The following SLC4A10 variants were observed in gnomAD, a reference collection of about 807,000 sequenced individuals.
SLC4A10 encodes the protein solute carrier family 4 member 10.
In SLC4A10, 42 loss-of-function variants were observed where a neutral mutation model predicts 137.7. The observed-to-expected ratio is 0.30, with a 90% CI of 0.24 to 0.39. The LOEUF (loss-of-function observed/expected upper bound fraction) is 0.39, where lower values mean the gene tolerates loss of function less well. SLC4A10 is among the 10% of genes least tolerant of loss of function. SLC4A10 has a pLI of 1.00. For synonymous variants in SLC4A10, 474 were observed against 464.1 expected, an observed-to-expected ratio of 1.02 and a Z score of -0.27; for missense variants, 925 against 1,355.0, an observed-to-expected ratio of 0.68 and a Z score of 4.98.
In SLC4A10 at chr2:161,879,291, A is replaced by G. The variant is rs1161398658; in HGVS notation, c.1106+3A>G. The G allele has an allele frequency of 1.2e-6, 2 of 1,605,666 alleles. No homozygotes were observed. Among genetic ancestry groups the G allele is most frequent in the South Asian group, 1.1e-5 (1 of 89,672 alleles). On this transcript the variant is annotated splice_donor_region_variant and intron_variant, in intron 9 of 26. Transcript: ENST00000446997. ...GCTGAAGTCCCAATCCCAACCAGGTAAAAAGTATAAAAGCGTCTTTTGTAT... is the reference window on the plus strand; with the variant it reads ...GCTGAAGTCCCAATCCCAACCAGGTGAAAAGTATAAAAGCGTCTTTTGTAT...
chr2:161,894,694 G>T lies in SLC4A10; in HGVS notation c.1210G>T (p.Ala404Ser). 5 of 1,413,148 alleles carry T rather than the reference G, an allele frequency of 3.5e-6. No homozygotes were observed. Among genetic ancestry groups the T allele is most frequent in the Non-Finnish European group, 4.7e-6 (5 of 1,074,820 alleles). The allele number at this position is 1,413,148 out of a possible 1,614,324, so 87.5% of individuals were successfully genotyped here. The change falls in exon 11 of 27, where the codon GCC becomes TCC. Residue 404 changes from alanine (A) to serine (S), a missense_variant. Transcript: ENST00000446997. ...TCTTCTAAAGGTATTTCATGATGTT[G>T]CCTATAAAGCTAAAGATCGTAATGA... Reference protein sequence around the residue: ...LMTDEVFHDVAYKAKDRNDLV... With the variant: ...LMTDEVFHDVSYKAKDRNDLV...
intron 1 of SLC4A10, among the ~76,000 whole-genome samples, chr2:161,675,517 A>T (rs1472286271): frequency 6.6e-6 from 1 of 152,222 alleles, no homozygotes; most frequent in Non-Finnish European, 1.5e-5. Context: ...TTTAAAAAAT[A>T]AGATGTAAAA....
At chr2:161,897,975 G>A (rs889323409) in intron 11 of SLC4A10, among the ~76,000 whole-genome samples, 3 of 152,138 alleles carry the variant, frequency 2.0e-5, no homozygotes, top group Non-Finnish European at 4.4e-5. Flanking sequence ...CAAGTTGAGT[G>A]ATGGGAGGCC....
intron 23 of SLC4A10, among the ~76,000 whole-genome samples, chr2:161,971,468 A>G (rs1437326154): frequency 6.6e-6 from 1 of 152,214 alleles, no homozygotes. Context: ...CCCATGTTGT[A>G]GAACCCAGCA....
intron 15 of SLC4A10, among the ~76,000 whole-genome samples, chr2:161,940,722 G>A (rs1692525362): frequency 6.6e-6 from 1 of 152,210 alleles, no homozygotes; most frequent in African/African-American, 2.4e-5. Context: ...AAAGAGACAA[G>A]CTAAACCAGA....
At chr2:161,952,893 A>G (rs1398621422) in intron 19 of SLC4A10, among the ~76,000 whole-genome samples, 3 of 152,210 alleles carry the variant, frequency 2.0e-5, no homozygotes, top group African/African-American at 7.2e-5. Flanking sequence ...GGTTTGTTCC[A>G]TAGTCCTTCT....
At chr2:161,759,839 T>G (rs1172583431) in intron 1 of SLC4A10, among the ~76,000 whole-genome samples, 2 of 152,078 alleles carry the variant, frequency 1.3e-5, no homozygotes, top group African/African-American at 4.8e-5. Flanking sequence ...GATTGTTTCC[T>G]TTGCTGTGCA....
intron 1 of SLC4A10, among the ~76,000 whole-genome samples, chr2:161,699,488 T>C (rs1461802881): frequency 6.6e-5 from 10 of 152,240 alleles, no homozygotes. Flanking sequence ...TCTTCATTTT[T>C]AATGATTCAC....
chr2:161,886,663 C>G (rs922740729), intron 10 of SLC4A10, among the ~76,000 whole-genome samples: 3 of 151,756 alleles, frequency 2.0e-5, no homozygotes, highest in African/African-American at 4.8e-5. Context: ...CACTAAGTCT[C>G]TGAGATTTTT....
intron 23 of SLC4A10, among the ~76,000 whole-genome samples, chr2:161,965,381 C>A (rs958978862): frequency 6.6e-6 from 1 of 152,022 alleles, no homozygotes; most frequent in East Asian, 1.9e-4. Context: ...AGGAGGAAAC[C>A]AAATCCTAAT....
intron 1 of SLC4A10, among the ~76,000 whole-genome samples, chr2:161,729,596 A>G (rs1019391371): frequency 1.6e-4 from 25 of 151,626 alleles, no homozygotes; most frequent in African/African-American, 4.4e-4. Flanking sequence ...ATGTTTGACT[A>G]TAAGTTTTAA....
intron 6 of SLC4A10, among the ~76,000 whole-genome samples, chr2:161,866,822 A>T (rs2060789198): frequency 6.6e-6 from 1 of 151,830 alleles, no homozygotes; most frequent in African/African-American, 2.4e-5. Context: ...AGACATTGGG[A>T]TTATAAATCT....
chr2:161,896,460 T>A (rs1015038832), intron 11 of SLC4A10, among the ~76,000 whole-genome samples: 1 of 152,136 alleles, frequency 6.6e-6, no homozygotes, highest in East Asian at 1.9e-4. Context: ...AGAAAGTCAC[T>A]GGTAGCTTGA....
At chr2:161,684,400 C>T (rs759945423) in intron 1 of SLC4A10, among the ~76,000 whole-genome samples, 1 of 152,048 alleles carries the variant, frequency 6.6e-6, no homozygotes, top group Non-Finnish European at 1.5e-5. Context: ...TAGTTCTGCT[C>T]ATTTAGGAAA....
chr2:161,818,063 C>T (rs2057268548), intron 3 of SLC4A10, among the ~76,000 whole-genome samples: 1 of 152,120 alleles, frequency 6.6e-6, no homozygotes, highest in African/African-American at 2.4e-5. Flanking sequence ...CTATAAATTA[C>T]CTTGGGCAAT....
intron 1 of SLC4A10, among the ~76,000 whole-genome samples, chr2:161,701,018 G>A (rs183016302): frequency 1.4e-3 from 210 of 152,064 alleles, no homozygotes; most frequent in African/African-American, 4.5e-3. Context: ...TCTATGACAC[G>A]CAGTGCGCTA....
At chr2:161,981,541 C>A (rs548442911) in intron 26 of SLC4A10, among the ~76,000 whole-genome samples, 1 of 152,160 alleles carries the variant, frequency 6.6e-6, no homozygotes, top group Non-Finnish European at 1.5e-5. Context: ...CAACACCAAG[C>A]CCAGTGCTGC....
At chr2:161,719,818 C>A (rs981976309) in intron 1 of SLC4A10, among the ~76,000 whole-genome samples, 1 of 151,832 alleles carries the variant, frequency 6.6e-6, no homozygotes, top group Admixed American at 6.6e-5. Context: ...GAGTAGGTTG[C>A]GAAAATTTTC....
chr2:161,941,020 C>T (rs1284025981), intron 15 of SLC4A10, among the ~76,000 whole-genome samples: 1 of 152,070 alleles, frequency 6.6e-6, no homozygotes, highest in Non-Finnish European at 1.5e-5. Flanking sequence ...CAATTTATGT[C>T]CCAGGACATT....
Sources: allele counts gnomAD v4.1 joint callset (sites outside exome capture counted in the v4.1 genomes callset), GRCh38; gene constraint gnomAD v4.1.1; transcripts MANE v1.5; gene names NCBI Gene and HGNC (gene_info 2026-07-23, HGNC 2026-07-21).